The following CNTN4 variants were observed in gnomAD, a reference collection of about 807,000 sequenced individuals.
CNTN4 encodes contactin-4.
CNTN4 carries 77 observed loss-of-function variants against 122.5 expected under a neutral mutation model. That is an observed-to-expected ratio of 0.63 (90% confidence interval 0.52 to 0.76). The LOEUF (loss-of-function observed/expected upper bound fraction) is 0.76, where lower values mean the gene tolerates loss of function less well. Ranked by LOEUF, CNTN4 falls within the 30% of genes least tolerant of loss-of-function variation. The pLI, the probability that CNTN4 is intolerant of heterozygous loss-of-function variation, is 0.00. For synonymous variants in CNTN4, 512 were observed against 447.0 expected (o/e 1.15, Z -1.83); for missense variants, 1,256 against 1,259.1 (o/e 1.00, Z 0.04).
chr3:2,931,388 G>C (rs537587883), intron 13 of CNTN4, among the ~76,000 whole-genome samples: 31 of 152,278 alleles, frequency 2.0e-4, no homozygotes, highest in Non-Finnish European at 3.8e-4. Context: ...GTAGTAAACA[G>C]AGAAGGAGCA....
At chr3:2,117,581 G>A (rs2033449712) in intron 2 of CNTN4, among the ~76,000 whole-genome samples, 2 of 152,254 alleles carry the variant, frequency 1.3e-5, no homozygotes, top group South Asian at 2.1e-4. Context: ...TGGTCTTTAT[G>A]GTGACCAGCC....
chr3:2,155,825 G>A (rs1181332509), intron 2 of CNTN4, among the ~76,000 whole-genome samples: 2 of 152,116 alleles, frequency 1.3e-5, no homozygotes, highest in African/African-American at 2.4e-5. Flanking sequence ...AATGATTCTT[G>A]TTCATCCTTA....
chr3:2,849,985 A>ATT (rs2093519750), intron 7 of CNTN4, among the ~76,000 whole-genome samples: 2 of 132,284 alleles, frequency 1.5e-5, no homozygotes, highest in African/African-American at 2.7e-5. Flanking sequence ...GTTAGCAATC[A>ATT]CTTTTTTTTC....
At chr3:2,141,129 C>T (rs1388839516) in intron 2 of CNTN4, among the ~76,000 whole-genome samples, 1 of 152,120 alleles carries the variant, frequency 6.6e-6, no homozygotes, top group African/African-American at 2.4e-5. Context: ...ACAATGTTGT[C>T]ATTGCAGGGT....
intron 3 of CNTN4, among the ~76,000 whole-genome samples, chr3:2,565,700 T>TA (rs2149454911): frequency 6.6e-6 from 1 of 152,316 alleles, no homozygotes; most frequent in Admixed American, 6.5e-5. Flanking sequence ...TGATTGAACA[T>TA]TAAGATTTTA....
intron 4 of CNTN4, among the ~76,000 whole-genome samples, chr3:2,633,537 C>T (rs115248168): frequency 6.6e-6 from 1 of 152,180 alleles, no homozygotes; most frequent in Admixed American, 6.5e-5. Flanking sequence ...TGATTTGGGG[C>T]TTAAATCCAT....
intron 2 of CNTN4, among the ~76,000 whole-genome samples, chr3:2,193,435 A>G (rs1165655227): frequency 6.6e-6 from 1 of 152,210 alleles, no homozygotes; most frequent in Non-Finnish European, 1.5e-5. Flanking sequence ...CTTCAAAAGT[A>G]TCACTATAAT....
intron 4 of CNTN4, among the ~76,000 whole-genome samples, chr3:2,722,049 C>T (rs2087890051): frequency 6.6e-6 from 1 of 152,172 alleles, no homozygotes; most frequent in Non-Finnish European, 1.5e-5. Flanking sequence ...ACATCTCAGC[C>T]TCCAGAACTG....
At chr3:2,628,910 G>A (rs992560368) in intron 4 of CNTN4, among the ~76,000 whole-genome samples, 1 of 152,152 alleles carries the variant, frequency 6.6e-6, no homozygotes, top group African/African-American at 2.4e-5. Flanking sequence ...ATTTGTCTGA[G>A]AAAAGCTTCC....
intron 3 of CNTN4, among the ~76,000 whole-genome samples, chr3:2,357,236 CTG>C (rs574915095): frequency 9.6e-4 from 146 of 152,296 alleles, no homozygotes; most frequent in African/African-American, 3.3e-3. Context: ...TCCAGAATCA[CTG>C]TACTTTTCAG....
intron 13 of CNTN4, among the ~76,000 whole-genome samples, chr3:2,965,596 T>G (rs187299053): frequency 1.5e-3 from 230 of 152,334 alleles, no homozygotes; most frequent in Admixed American, 2.6e-3. Context: ...TCCGCTGGCT[T>G]CTTCTTATAT....
At chr3:2,210,504 A>G (rs1326337137) in intron 2 of CNTN4, among the ~76,000 whole-genome samples, 4 of 152,170 alleles carry the variant, frequency 2.6e-5, no homozygotes, top group Non-Finnish European at 1.5e-5. Flanking sequence ...CACACAATGT[A>G]GCCAGTGTAA....
At chr3:2,413,436 G>A (rs2151051424) in intron 3 of CNTN4, among the ~76,000 whole-genome samples, 1 of 152,284 alleles carries the variant, frequency 6.6e-6, no homozygotes, top group East Asian at 1.9e-4. Flanking sequence ...AAGAAAGACA[G>A]CCATCTAATT....
chr3:2,511,221 A>T (rs368248096), intron 3 of CNTN4: 1 of 152,166 alleles, frequency 6.6e-6, no homozygotes, highest in African/African-American at 2.4e-5. Flanking sequence ...AATTACATAA[A>T]TTGCCCATTG....
rs1163246437 is a variant in CNTN4, at chr3:2,961,033, A to G, written c.1359-27312A>G. Among the ~76,000 whole-genome samples, 16 of 135,018 alleles carry G rather than the reference A, an allele frequency of 1.2e-4. 1 individual carries two copies. Among genetic ancestry groups the G allele is most frequent in the Non-Finnish European group, 9.8e-5 (6 of 61,370 alleles). 88.6% of individuals were successfully genotyped at this position (135,018 alleles called of 152,430 possible). Reference sequence around the variant, plus strand: ...ATCACGAGGTCAGGAGATCGAGACCATCCTGGCTAACACGGTGAAACCCCG... The same window carrying G: ...ATCACGAGGTCAGGAGATCGAGACCGTCCTGGCTAACACGGTGAAACCCCG... On this transcript the variant is annotated intron_variant, in intron 13 of 24. Coordinates refer to ENST00000418658, the MANE Select transcript of CNTN4 (RefSeq NM_175607.3).
intron 18 of CNTN4, chr3:3,037,641 A>T (rs1274189611): frequency 1.3e-5 from 5 of 392,034 alleles, no homozygotes; most frequent in African/African-American, 1.0e-4. Flanking sequence ...TTCAAAAAAA[A>T]ATCCCACATT....
chr3:2,733,557 A>G (rs1347202937), intron 4 of CNTN4, among the ~76,000 whole-genome samples: 3 of 130,464 alleles, frequency 2.3e-5, no homozygotes, highest in Non-Finnish European at 4.6e-5. Context: ...TTTTTGAGAC[A>G]GAGTCTCACA....
At chr3:2,100,024 G>T (rs556571179) in intron 1 of CNTN4, among the ~76,000 whole-genome samples, 1 of 152,224 alleles carries the variant, frequency 6.6e-6, no homozygotes, top group Non-Finnish European at 1.5e-5. Flanking sequence ...TTCGCGCGTC[G>T]GGAAGATCAG....
intron 3 of CNTN4, among the ~76,000 whole-genome samples, chr3:2,367,841 C>T (rs2045458865): frequency 6.6e-6 from 1 of 151,960 alleles, no homozygotes; most frequent in Non-Finnish European, 1.5e-5. Context: ...TAACCCCTAA[C>T]AACGTTCGGA....
Sources: allele counts gnomAD v4.1 joint callset (sites outside exome capture counted in the v4.1 genomes callset), GRCh38; gene constraint gnomAD v4.1.1; transcripts MANE v1.5; gene names NCBI Gene and HGNC (gene_info 2026-07-23, HGNC 2026-07-21).